Variants in MYO1B observed in about 807,000 individuals in gnomAD.
MYO1B encodes myosin IB, also known as unconventional myosin-Ib.
In MYO1B, 72 loss-of-function variants were observed where a neutral mutation model predicts 159.7. That is an observed-to-expected ratio of 0.45 (90% CI 0.37 to 0.55). The LOEUF is 0.55. Among genes scored for constraint, MYO1B ranks in the 20% least tolerant of loss-of-function variants. The probability of loss-of-function intolerance (pLI) is 0.00; values close to 1 mark genes in which losing one functional copy is unlikely to be tolerated. For missense variants in MYO1B, 1,062 were observed against 1,364.8 expected (o/e 0.78, Z 3.50); for synonymous variants, 468 against 473.8 (o/e 0.99, Z 0.16).
chr2:191,366,869 G>GT (rs538825802), intron 11 of MYO1B, among the ~76,000 whole-genome samples: 18 of 150,936 alleles, frequency 1.2e-4, no homozygotes, highest in Middle Eastern at 3.4e-3. Context: ...ATCAGAACCT[G>GT]TTTTTTTTGC....
intron 13 of MYO1B, among the ~76,000 whole-genome samples, chr2:191,378,296 T>A (rs1369127775): frequency 1.3e-5 from 2 of 152,180 alleles, no homozygotes; most frequent in Non-Finnish European, 2.9e-5. Flanking sequence ...TTTTCTTTTT[T>A]CTTTTTCTTT....
intron 13 of MYO1B, among the ~76,000 whole-genome samples, chr2:191,375,470 A>AAGATAGAT (rs149225477): frequency 0.37 from 54,451 of 146,078 alleles, 10,464 homozygotes; most frequent in South Asian, 0.44. Flanking sequence ...TGATTTGTAA[A>AAGATAGAT]AGATAGATAG....
intron 1 of MYO1B, among the ~76,000 whole-genome samples, chr2:191,252,844 C>T (rs1246254215): frequency 6.6e-6 from 1 of 152,162 alleles, no homozygotes; most frequent in East Asian, 1.9e-4. Context: ...TTTTCATCAC[C>T]ATCTTGACTT....
chr2:191,374,588 A>C (rs952125158), intron 13 of MYO1B, among the ~76,000 whole-genome samples: 1 of 152,212 alleles, frequency 6.6e-6, no homozygotes, highest in African/African-American at 2.4e-5. Flanking sequence ...GGTTGATGAC[A>C]CATGGATTTG....
intron 6 of MYO1B, among the ~76,000 whole-genome samples, chr2:191,348,794 C>T (rs1268528410): frequency 6.6e-6 from 1 of 152,206 alleles, no homozygotes; most frequent in Non-Finnish European, 1.5e-5. Context: ...CCAGGGAAAT[C>T]TTGTAAATAG....
chr2:191,419,420 G>A (rs1465207781), intron 30 of MYO1B, among the ~76,000 whole-genome samples: 3 of 151,878 alleles, frequency 2.0e-5, no homozygotes, highest in Non-Finnish European at 1.5e-5. Flanking sequence ...GGGTTTCATC[G>A]TGTTAGCCAG....
At chr2:191,298,982 C>T (rs1195087982) in intron 3 of MYO1B, among the ~76,000 whole-genome samples, 5 of 152,140 alleles carry the variant, frequency 3.3e-5, no homozygotes, top group Non-Finnish European at 7.3e-5. Context: ...ACCACAAACC[C>T]TCCAGGATAA....
chr2:191,325,571 G>A (rs1691002474), intron 3 of MYO1B, among the ~76,000 whole-genome samples: 1 of 152,086 alleles, frequency 6.6e-6, no homozygotes, highest in South Asian at 2.1e-4. Flanking sequence ...GCTGAAACAT[G>A]GGGCCATGTT....
rs1052099975 is a variant in MYO1B at position 191,344,081 on chromosome 2, G to T, written c.452-2155G>T. Among the ~76,000 whole-genome samples, 9 of 152,196 alleles carry T rather than the reference G, an allele frequency of 5.9e-5. No individual in the cohort carries two copies. In the East Asian group the frequency reaches 1.4e-3, roughly 23 times the overall value. On this transcript the variant is annotated intron_variant, in intron 5 of 30. Transcript: ENST00000392318. ...TTTCTTTGAAGCAATTCCTTCACTTGCCCCTGACCTTCAAGCCACAATAAA... is the reference window on the plus strand; with the variant it reads ...TTTCTTTGAAGCAATTCCTTCACTTTCCCCTGACCTTCAAGCCACAATAAA...
intron 4 of MYO1B, 105 bp downstream of exon 4, chr2:191,330,134 C>A: frequency 2.3e-6 from 2 of 876,296 alleles, no homozygotes; most frequent in Non-Finnish European, 3.6e-6. Flanking sequence ...CGCAGGGCCA[C>A]TGTGAGGGTG....
At position 191,411,142 on chromosome 2, in the gene MYO1B, T is replaced by G; in HGVS notation, c.2843T>G (p.Phe948Cys). Residue 948 changes from phenylalanine to cysteine, a missense_variant, in exon 27 of 31, where the codon TTC (phenylalanine) becomes TGC (cysteine). Physicochemically the swap from Phe to Cys is radical, Grantham distance 205. Coordinates refer to ENST00000392318, the MANE Select transcript of MYO1B (RefSeq NM_001130158.3). ...GAGAAACTAGAAGCCAGTGAACTCT[T>G]CAAAGACAAGAAGGCTTTATACCCA... is the stretch of plus-strand genomic sequence containing the variant. ...YEEKLEASEL[F>C]KDKKALYPSS... 1 of 1,610,776 alleles carries G rather than the reference T, an allele frequency of 6.2e-7. No individual in the cohort carries two copies. Among genetic ancestry groups the G allele is most frequent in the Non-Finnish European group, 8.5e-7 (1 of 1,178,700 alleles).
chr2:191,387,347 G>T lies in MYO1B; in HGVS notation c.1678G>T (p.Ala560Ser), dbSNP rs772734702. 1.9e-6 allele frequency: 3 copies of T among 1,614,108 alleles called. No homozygotes were observed. Among genetic ancestry groups the T allele is most frequent in the Admixed American group, 3.3e-5 (2 of 60,016 alleles). ...GTCTTTGTTCCCCGAAGGGAATCCC[G>T]CCAAGATCAACCTGAAAAGGCCTCC... ...IKSLFPEGNP[A>S]KINLKRPPTA... Residue 560 changes from alanine (A) to serine (S), a missense_variant, in exon 17 of 31, where the codon GCC becomes TCC. By Grantham distance (99) the Ala-to-Ser change is moderately conservative. Around this residue, in one of 5 missense-constraint regions of MYO1B, gnomAD observed 609 missense variants for 744.4 expected, o/e 0.82. Transcript: ENST00000392318.
chr2:191,380,709 G>A (rs1206523277), intron 13 of MYO1B, among the ~76,000 whole-genome samples: 1 of 152,090 alleles, frequency 6.6e-6, no homozygotes, highest in Non-Finnish European at 1.5e-5. Flanking sequence ...AGTGATCAAG[G>A]GTATGGGCCT....
chr2:191,255,110 G>A (rs1276652963), intron 1 of MYO1B, among the ~76,000 whole-genome samples: 5 of 151,672 alleles, frequency 3.3e-5, no homozygotes, highest in Admixed American at 2.6e-4. Context: ...ACATTTTTTT[G>A]TGGAGACGGG....
intron 1 of MYO1B, among the ~76,000 whole-genome samples, chr2:191,250,908 AAGG>A (rs1686072207): frequency 1.3e-5 from 2 of 152,234 alleles, no homozygotes; most frequent in East Asian, 3.9e-4. Context: ...GGTCACTTTT[AAGG>A]AGTTCTTTTT....
chr2:191,301,692 T>C (rs1285607063), intron 3 of MYO1B, among the ~76,000 whole-genome samples: 1 of 152,222 alleles, frequency 6.6e-6, no homozygotes, highest in Non-Finnish European at 1.5e-5. Context: ...CTAAAACACT[T>C]CTACTCCCAA....
chr2:191,364,716 C>T (rs535998051), intron 11 of MYO1B, among the ~76,000 whole-genome samples: 13 of 152,296 alleles, frequency 8.5e-5, no homozygotes, highest in African/African-American at 2.9e-4. Flanking sequence ...GGAGTGAAAG[C>T]GAGGGACCTT....
chr2:191,276,278 T>G (rs780845347), intron 1 of MYO1B, among the ~76,000 whole-genome samples: 7 of 152,236 alleles, frequency 4.6e-5, no homozygotes, highest in Non-Finnish European at 1.0e-4. Flanking sequence ...ATGTTAGACG[T>G]GGTAATTGAG....
At chr2:191,376,827 T>C (rs566540717) in intron 13 of MYO1B, among the ~76,000 whole-genome samples, 1 of 152,316 alleles carries the variant, frequency 6.6e-6, no homozygotes, top group South Asian at 2.1e-4. Flanking sequence ...ATTTATTGTT[T>C]TTAAAGAGCC....
Sources: gnomAD v4.1 joint callset for allele counts (sites outside exome capture counted in the v4.1 genomes callset) on GRCh38, gnomAD v4.1.1 for gene constraint, gnomAD v4.1.1 regional missense constraint, MANE v1.5 for transcripts, NCBI Gene and HGNC (gene_info 2026-07-23, HGNC 2026-07-21) for gene names.